Variants in METTL16 observed in about 807,000 individuals in gnomAD.
The protein encoded by METTL16 is RNA N(6)-adenosine-methyltransferase METTL16.
METTL16 carries 19 observed loss-of-function variants against 57.9 expected under a neutral mutation model. That is an observed-to-expected ratio of 0.33 (90% CI 0.23 to 0.48). The LOEUF is 0.48. Ranked by LOEUF, METTL16 falls within the 20% of genes least tolerant of loss-of-function variation. The pLI is 0.99. For synonymous variants in METTL16, 246 were observed against 255.6 expected (o/e 0.96, Z 0.36); for missense variants, 434 against 691.5 (o/e 0.63, Z 4.18).
chr17:2,506,720 G>T (rs979962137), intron 1 of METTL16, among the ~76,000 whole-genome samples: 3 of 152,150 alleles, frequency 2.0e-5, no homozygotes, highest in Admixed American at 1.3e-4. Context: ...CGTCTGGGAA[G>T]TGAGGAGCGT....
chr17:2,477,941 A>G (rs149684211), intron 2 of METTL16, 56 bp from the exon 3 acceptor site: 385 of 1,479,856 alleles, frequency 2.6e-4, no homozygotes, highest in Middle Eastern at 7.1e-4. Flanking sequence ...TATGTTGTAC[A>G]AGCTCTACGG....
intron 6 of METTL16, among the ~76,000 whole-genome samples, chr17:2,448,741 A>T (rs1256020265): frequency 1.1e-4 from 11 of 104,436 alleles, no homozygotes; most frequent in Admixed American, 3.6e-4. Flanking sequence ...AATGATCAAT[A>T]AAAAAAAAAA....
At chr17:2,425,888 T>C (rs1223353962) in intron 8 of METTL16, among the ~76,000 whole-genome samples, 3 of 152,260 alleles carry the variant, frequency 2.0e-5, no homozygotes, top group Non-Finnish European at 1.5e-5. Context: ...GGTTCTGCCA[T>C]GTCGCCCAGA....
chr17:2,470,855 T>C (rs998177605), intron 4 of METTL16, among the ~76,000 whole-genome samples: 3 of 152,198 alleles, frequency 2.0e-5, no homozygotes, highest in South Asian at 4.1e-4. Context: ...ACTTTAGCTA[T>C]TGATAAACTA....
chr17:2,428,653 T>C (rs1338780988), intron 8 of METTL16, among the ~76,000 whole-genome samples: 1 of 132,492 alleles, frequency 7.5e-6, no homozygotes, highest in Non-Finnish European at 1.6e-5. Context: ...TCTCAGCACT[T>C]TGGGAGGCAG....
At chr17:2,485,363 T>G (rs923419624) in intron 2 of METTL16, among the ~76,000 whole-genome samples, 1 of 152,124 alleles carries the variant, frequency 6.6e-6, no homozygotes, top group Non-Finnish European at 1.5e-5. Flanking sequence ...TTACATGAAA[T>G]AATACAACGT....
Position 2,510,806 on chromosome 17 carries a change from G to A in METTL16, c.-1+953C>T, listed in dbSNP as rs150417502. ...GCCTCCCAAGCAGCTGGGACTACAG[G>A]TACAGAGCACTGCACCTGGTTAATT... On this transcript the variant is annotated intron_variant, in intron 1 of 9. Transcript: ENST00000263092. 3.3e-3 allele frequency among the ~76,000 whole-genome samples: 503 copies of A among 152,160 alleles called. 3 individuals carry two copies. Among genetic ancestry groups the A allele is most frequent in the African/African-American group, 0.011 (439 of 41,512 alleles).
chr17:2,421,467 A>C (rs2066764935), intron 8 of METTL16, among the ~76,000 whole-genome samples: 1 of 152,244 alleles, frequency 6.6e-6, no homozygotes, highest in Admixed American at 6.5e-5. Flanking sequence ...AAGGTCACAC[A>C]GTAACTGCAG....
intron 6 of METTL16, among the ~76,000 whole-genome samples, chr17:2,442,723 A>G (rs1224205282): frequency 6.6e-6 from 1 of 152,196 alleles, no homozygotes; most frequent in Non-Finnish European, 1.5e-5. Context: ...GGGTGTGAAG[A>G]GGTATAGAAC....
intron 6 of METTL16, among the ~76,000 whole-genome samples, chr17:2,456,105 CCT>C (rs1325296716): frequency 3.9e-5 from 6 of 152,204 alleles, no homozygotes; most frequent in Admixed American, 2.6e-4. Context: ...GCATCTACCC[CCT>C]GTGGAGCTCA....
chr17:2,476,157 A>G (rs2067267185), intron 3 of METTL16, among the ~76,000 whole-genome samples: 1 of 152,214 alleles, frequency 6.6e-6, no homozygotes, highest in Admixed American at 6.5e-5. Flanking sequence ...CACTGAAACA[A>G]GAAACAAAGA....
intron 6 of METTL16, among the ~76,000 whole-genome samples, chr17:2,450,882 T>G (rs997214325): frequency 6.6e-6 from 1 of 152,138 alleles, no homozygotes; most frequent in Non-Finnish European, 1.5e-5. Context: ...GAATTTAAAT[T>G]TCAAGAAATT....
At position 2,419,585 on chromosome 17, in the gene METTL16, C is replaced by G. The variant is rs1347669202; in HGVS notation, c.*385G>C. 2 of 466,988 alleles carry G rather than the reference C, an allele frequency of 4.3e-6. No individual in the cohort carries two copies. Among genetic ancestry groups the G allele is most frequent in the Non-Finnish European group, 8.5e-6 (2 of 234,808 alleles). 28.9% of individuals were successfully genotyped at this position (466,988 alleles called of 1,614,324 possible). A position where few individuals can be genotyped will look rare whatever the true frequency, so the allele number is the denominator to read the frequency against. On this transcript the variant is annotated 3_prime_UTR_variant, in exon 10 of 10. Coordinates refer to ENST00000263092, the MANE Select transcript of METTL16 (RefSeq NM_024086.4). ...GAGAGCCACCCCTCCTCAAGAAACA[C>G]CCTTGGGTGACAGAGACAGCATGAT...
chr17:2,459,072 T>C (rs1481314618), intron 6 of METTL16, among the ~76,000 whole-genome samples: 3 of 152,054 alleles, frequency 2.0e-5, no homozygotes, highest in African/African-American at 7.2e-5. Flanking sequence ...TCCCAAAGTG[T>C]TGGGATTACA....
intron 8 of METTL16, among the ~76,000 whole-genome samples, chr17:2,423,065 G>A (rs1033022961): frequency 5.3e-5 from 8 of 152,212 alleles, no homozygotes; most frequent in Admixed American, 2.6e-4. Context: ...GGAATCTGAC[G>A]ACTGCTACTG....
At chr17:2,495,694 C>CA (rs58828846) in intron 2 of METTL16, among the ~76,000 whole-genome samples, 8,506 of 114,632 alleles carry the variant, frequency 0.074, 298 homozygotes, top group African/African-American at 0.1. Context: ...GACTCTGTCT[C>CA]AAAAAAAAAA....
chr17:2,511,204 G>A (rs578160503), intron 1 of METTL16, among the ~76,000 whole-genome samples: 1 of 118,498 alleles, frequency 8.4e-6, no homozygotes, highest in Non-Finnish European at 1.8e-5. Context: ...AGAACCCTGA[G>A]AATGAGGCTT....
At position 2,502,340 on chromosome 17, in the gene METTL16, GAGAA is replaced by G; in HGVS notation, c.1-13_1-10del. On this transcript the variant is annotated splice_polypyrimidine_tract_variant and intron_variant, in intron 1 of 9. Transcript: ENST00000263092. ...GATTTACTCAGAGCCATCTTAAGGA[GAGAA>G]AGAGAGAAAGAAAATCAGCATATTT... 1 of 1,607,372 alleles carries G rather than the reference GAGAA, an allele frequency of 6.2e-7. No homozygotes were observed. The highest frequency in any genetic ancestry group is 2.2e-5 in the East Asian group (1 of 44,806).
At chr17:2,423,413 G>C (rs1190387802) in intron 8 of METTL16, among the ~76,000 whole-genome samples, 3 of 152,032 alleles carry the variant, frequency 2.0e-5, no homozygotes, top group African/African-American at 7.3e-5. Flanking sequence ...TTGACATTAA[G>C]ACAGTCATAT....
Sources: gnomAD v4.1 joint callset for allele counts (sites outside exome capture counted in the v4.1 genomes callset) on GRCh38, gnomAD v4.1.1 for gene constraint, MANE v1.5 for transcripts, NCBI Gene and HGNC (gene_info 2026-07-23, HGNC 2026-07-21) for gene names.